Variants in TRHDE observed in about 807,000 individuals in gnomAD.
TRHDE encodes thyrotropin-releasing hormone-degrading ectoenzyme.
TRHDE carries 72 observed loss-of-function variants against 125.7 expected under a neutral mutation model. The ratio of observed to expected loss-of-function variants is 0.57; its 90% CI spans 0.47 to 0.70. The LOEUF (loss-of-function observed/expected upper bound fraction) is 0.70, where lower values mean the gene tolerates loss of function less well. Among genes scored for constraint, TRHDE ranks in the 30% least tolerant of loss-of-function variants. The pLI, the probability that TRHDE is intolerant of heterozygous loss-of-function variation, is 0.00. For missense variants in TRHDE, 1,110 were observed against 1,327.1 expected (o/e 0.84, Z 2.54); for synonymous variants, 509 against 509.1 (o/e 1.00, Z 0.00).
intron 3 of TRHDE, among the ~76,000 whole-genome samples, chr12:72,428,348 T>C (rs1163147184): frequency 2.0e-5 from 3 of 152,102 alleles, no homozygotes; most frequent in Non-Finnish European, 4.4e-5. Context: ...TGAATACTAA[T>C]ATGTGTGTGT....
intron 12 of TRHDE, among the ~76,000 whole-genome samples, chr12:72,614,696 T>TTTTA (rs1184057371): frequency 6.6e-6 from 1 of 152,096 alleles, no homozygotes; most frequent in African/African-American, 2.4e-5. Context: ...TGTGTTTTAT[T>TTTTA]TTTATTTCTC....
At chr12:72,098,449 G>T (rs1049713907) in intron 1 of TRHDE, among the ~76,000 whole-genome samples, 1 of 151,970 alleles carries the variant, frequency 6.6e-6, no homozygotes, top group Admixed American at 6.6e-5. Context: ...ATCGTTTATG[G>T]CCACAATTTC....
At chr12:72,164,860 A>G (rs1271823852) in intron 2 of TRHDE, among the ~76,000 whole-genome samples, 1 of 152,180 alleles carries the variant, frequency 6.6e-6, no homozygotes, top group Non-Finnish European at 1.5e-5. Flanking sequence ...TTCACAGACT[A>G]GGAACAAATC....
At chr12:72,459,378 A>G (rs1876018347) in intron 3 of TRHDE, among the ~76,000 whole-genome samples, 1 of 152,172 alleles carries the variant, frequency 6.6e-6, no homozygotes, top group Non-Finnish European at 1.5e-5. Flanking sequence ...GACATCTTTT[A>G]TCCACAATAG....
upstream of TRHDE, chr12:72,271,871 G>A (rs1358567490): frequency 6.6e-6 from 3 of 455,346 alleles, no homozygotes; most frequent in African/African-American, 4.0e-5. Flanking sequence ...TGTCATCTCC[G>A]GAGGGCAGAG....
chr12:72,407,506 A>G (rs1292822469), intron 3 of TRHDE, among the ~76,000 whole-genome samples: 1 of 152,224 alleles, frequency 6.6e-6, no homozygotes, highest in East Asian at 1.9e-4. Context: ...CTCAGAGGAA[A>G]GTGTCAAGGA....
chr12:72,188,419 T>A (rs1877270967), intron 2 of TRHDE, among the ~76,000 whole-genome samples: 1 of 152,252 alleles, frequency 6.6e-6, no homozygotes, highest in Non-Finnish European at 1.5e-5. Context: ...ATCTCAGCTA[T>A]CAAGATCTGT....
At chr12:72,472,614 C>T (rs1323689708) in intron 4 of TRHDE, among the ~76,000 whole-genome samples, 1 of 152,174 alleles carries the variant, frequency 6.6e-6, no homozygotes, top group African/African-American at 2.4e-5. Context: ...GAAGTATTTT[C>T]CCATCTTTGG....
chr12:72,154,800 A>G (rs367560534), intron 2 of TRHDE, among the ~76,000 whole-genome samples: 4 of 152,294 alleles, frequency 2.6e-5, no homozygotes, highest in East Asian at 3.9e-4. Context: ...TGGGTAACCC[A>G]GCCTTTCTCT....
intron 3 of TRHDE, among the ~76,000 whole-genome samples, chr12:72,380,167 C>A (rs1872077634): frequency 6.6e-6 from 1 of 152,078 alleles, no homozygotes; most frequent in Non-Finnish European, 1.5e-5. Flanking sequence ...CATATTCTAC[C>A]CTTTCTACAT....
At chr12:72,610,613 C>G (rs1230240367) in intron 12 of TRHDE, 1 of 152,162 alleles carries the variant, frequency 6.6e-6, no homozygotes, top group East Asian at 1.9e-4. Context: ...GTGTGTGCAC[C>G]TGGGTCTGCG....
chr12:72,252,108 TAAC>T (rs1181218177), intron 2 of TRHDE, among the ~76,000 whole-genome samples: 2 of 147,728 alleles, frequency 1.4e-5, no homozygotes, highest in African/African-American at 4.9e-5. Context: ...TTTATCCTCT[TAAC>T]AGCACATTTT....
At chr12:72,339,512 A>G (rs936401287) in intron 2 of TRHDE, among the ~76,000 whole-genome samples, 1 of 152,158 alleles carries the variant, frequency 6.6e-6, no homozygotes, top group Non-Finnish European at 1.5e-5. Flanking sequence ...GAACGTCAGC[A>G]TAGAGCTGAT....
chr12:72,106,506 T>C (rs1220979588), intron 2 of TRHDE, among the ~76,000 whole-genome samples: 1 of 152,116 alleles, frequency 6.6e-6, no homozygotes, highest in African/African-American at 2.4e-5. Context: ...GACTGGCACA[T>C]TTTATATGTG....
At chr12:72,366,364 G>C (rs1871338880) in intron 2 of TRHDE, among the ~76,000 whole-genome samples, 1 of 152,088 alleles carries the variant, frequency 6.6e-6, no homozygotes, top group Non-Finnish European at 1.5e-5. Context: ...GTAAATAAAT[G>C]TGAAGTGATT....
At chr12:72,655,577 ACTG>A (rs1333787817) in intron 17 of TRHDE, among the ~76,000 whole-genome samples, 1 of 152,142 alleles carries the variant, frequency 6.6e-6, no homozygotes, top group Non-Finnish European at 1.5e-5. Flanking sequence ...CTCTCTGAGC[ACTG>A]TGTATAATTT....
At chr12:72,662,171 C>T (rs1874944466) in intron 18 of TRHDE, among the ~76,000 whole-genome samples, 1 of 152,066 alleles carries the variant, frequency 6.6e-6, no homozygotes, top group Admixed American at 6.6e-5. Flanking sequence ...TGAATTACAC[C>T]CCACACTAAT....
chr12:72,557,374 T>G (rs999357877), intron 7 of TRHDE, among the ~76,000 whole-genome samples: 1 of 152,196 alleles, frequency 6.6e-6, no homozygotes, highest in African/African-American at 2.4e-5. Flanking sequence ...TGCAGCTCTG[T>G]CCTACCTACT....
intron 1 of TRHDE, among the ~76,000 whole-genome samples, chr12:72,280,120 G>C (rs943005045): frequency 2.0e-5 from 3 of 152,100 alleles, no homozygotes; most frequent in Non-Finnish European, 4.4e-5. Context: ...AGGGACTGTG[G>C]AACCAGACTG....
Sources: allele counts gnomAD v4.1 joint callset (sites outside exome capture counted in the v4.1 genomes callset), GRCh38; gene constraint gnomAD v4.1.1; transcripts MANE v1.5; gene names NCBI Gene and HGNC (gene_info 2026-07-23, HGNC 2026-07-21).